Variants in DLGAP4 observed in about 807,000 individuals in gnomAD.
The protein encoded by DLGAP4 is DLG associated protein 4, also known as disks large-associated protein 4.
A neutral mutation model predicts 86.9 loss-of-function variants in DLGAP4; 18 were observed. The observed-to-expected ratio is 0.21, with a 90% CI of 0.14 to 0.31. The LOEUF is 0.31. DLGAP4 is among the 10% of genes least tolerant of loss of function. DLGAP4 has a pLI of 1.00. For missense variants in DLGAP4, 1,085 were observed against 1,362.6 expected (o/e 0.80, Z 3.21); for synonymous variants, 548 against 574.3 (o/e 0.95, Z 0.65).
At chr20:36,436,456 G>A (rs2033281395) in intron 4 of DLGAP4, 106 bp downstream of exon 4, 1 of 1,422,942 alleles carries the variant, frequency 7.0e-7, no homozygotes, top group African/African-American at 1.4e-5. Context: ...CCCCGCCTGC[G>A]TGGGAGCCAC....
chr20:36,332,352 C>T (rs1273246773), intron 1 of DLGAP4, among the ~76,000 whole-genome samples: 1 of 151,970 alleles, frequency 6.6e-6, no homozygotes, highest in Non-Finnish European at 1.5e-5. Context: ...TTCCCTGTCC[C>T]GCCCGTTCCG....
Position 36,446,758 on chromosome 20 carries a change from C to T in DLGAP4, c.1469C>T (p.Ala490Val), listed in dbSNP as rs769056622. 16 of 1,612,812 alleles carry T rather than the reference C, an allele frequency of 9.9e-6. No individual in the cohort carries two copies. The highest frequency in any genetic ancestry group is 1.6e-4 in the Middle Eastern group (1 of 6,062). ...GCCTGCGAGTCAGCCTGCAGTGAAGCGGAGTCCACAGCGGCAGAGACGCTT... is the reference window on the plus strand; with the variant it reads ...GCCTGCGAGTCAGCCTGCAGTGAAGTGGAGTCCACAGCGGCAGAGACGCTT... Reference protein sequence around the residue: ...EAACESACSEAESTAAETLDL... With the variant: ...EAACESACSEVESTAAETLDL... The change falls in exon 7 of 13, where the codon GCG becomes GTG. Residue 490 changes from alanine to valine, a missense_variant. Coordinates refer to ENST00000339266, the MANE Select transcript of DLGAP4 (RefSeq NM_001365621.2).
intron 7 of DLGAP4, chr20:36,461,488 G>T (rs2034043474): frequency 1.0e-6 from 1 of 981,954 alleles, no homozygotes; most frequent in South Asian, 4.5e-5. Flanking sequence ...GGAGCCTCGG[G>T]CCGGGCTGCG....
chr20:36,425,629 C>T (rs1275784903), intron 2 of DLGAP4, among the ~76,000 whole-genome samples: 1 of 152,064 alleles, frequency 6.6e-6, no homozygotes, highest in South Asian at 2.1e-4. Flanking sequence ...CAAGAACAGC[C>T]TGGCCAAATG....
chr20:36,314,960 G>A (rs1332912191), intron 1 of DLGAP4, among the ~76,000 whole-genome samples: 2 of 110,542 alleles, frequency 1.8e-5, no homozygotes, highest in Non-Finnish European at 3.9e-5. Flanking sequence ...GTGTGTTTGT[G>A]GTGTGTTATC....
chr20:36,322,329 G>A (rs541552339), intron 1 of DLGAP4, among the ~76,000 whole-genome samples: 2 of 152,338 alleles, frequency 1.3e-5, no homozygotes, highest in East Asian at 3.9e-4. Context: ...ACTAGAGGAT[G>A]GCGGGGGCCA....
intron 7 of DLGAP4, among the ~76,000 whole-genome samples, chr20:36,463,409 T>C (rs893301148): frequency 2.6e-5 from 4 of 151,780 alleles, no homozygotes; most frequent in African/African-American, 9.7e-5. Flanking sequence ...TGCCCAAGGG[T>C]AAACAGCTGG....
Position 36,500,439 on chromosome 20 carries a change from C to G in DLGAP4, c.2340C>G (p.Pro780=). 1.9e-6 allele frequency: 3 copies of G among 1,575,400 alleles called. No homozygotes were observed. The South Asian group carries it at 3.5e-5, about 18-fold the overall frequency. Residue 780 remains proline, a synonymous_variant, in exon 10 of 13, where the codon CCC becomes CCG. Transcript: ENST00000339266. This position sits in a 1 kb window ranked among gnomAD's most constrained non-coding sequence, Gnocchi z 4.6. ...TAGAGGCGTCCTCGCTGCCCCCACC[C>G]GACCCCTGGCTCGAGACCTCCTCCA... ...PALEASSLPP[P]DPWLETSSSS...
At position 36,431,782 on chromosome 20, in the gene DLGAP4, C is replaced by G. The variant is rs749950105; in HGVS notation, c.65C>G (p.Pro22Arg). The change falls in exon 3 of 13, where the codon CCC (proline) becomes CGC (arginine). Residue 22 changes from proline to arginine, a missense_variant. This residue lies in a region of DLGAP4 where 1,082 missense variants were observed against 1,344.1 expected (regional missense o/e 0.81). Transcript: ENST00000339266. The surrounding 1 kb of genome is among the most constrained non-coding windows in gnomAD (Gnocchi z 5.1). Reference sequence around the variant, plus strand: ...GACAGCCTAGACCCACCCCACGAGCCCCTGTTTGCAGGGACCGACCGCAAC... The same window carrying G: ...GACAGCCTAGACCCACCCCACGAGCGCCTGTTTGCAGGGACCGACCGCAAC... Reference protein sequence around the residue: ...LSDSLDPPHEPLFAGTDRNPY... With the variant: ...LSDSLDPPHERLFAGTDRNPY... 1.9e-6 allele frequency: 3 copies of G among 1,613,358 alleles called. No individual in the cohort carries two copies. Among genetic ancestry groups the G allele is most frequent in the Non-Finnish European group, 2.5e-6 (3 of 1,179,738 alleles).
rs772132079 is a variant in DLGAP4, at chr20:36,467,017, C to CT, written c.1648+20080_1648+20081insT. Among the ~76,000 whole-genome samples, 218 of 50,290 alleles carry CT rather than the reference C, an allele frequency of 4.3e-3. 2 individuals carry two copies. The highest frequency in any genetic ancestry group is 0.027 in the African/African-American group (205 of 7,676). 33.0% of individuals were successfully genotyped at this position (50,290 alleles called of 152,430 possible). A position where few individuals can be genotyped will look rare whatever the true frequency, so the allele number is the denominator to read the frequency against. ...TCTCTGTCTCTCTCTCTCTCTCTCT[C>CT]CTCTCTCTCTCTCTCTCTCTCTCTC... On this transcript the variant is annotated intron_variant, in intron 7 of 12. Transcript: ENST00000339266.
intron 7 of DLGAP4, 29 bp downstream of exon 7, chr20:36,446,966 T>G: frequency 1.9e-6 from 3 of 1,575,148 alleles, no homozygotes; most frequent in Non-Finnish European, 2.6e-6. Context: ...GAAGGGGTTT[T>G]TTTTCTTTTC....
intron 1 of DLGAP4, among the ~76,000 whole-genome samples, chr20:36,329,195 T>A (rs1213425766): frequency 6.6e-6 from 1 of 152,048 alleles, no homozygotes; most frequent in Non-Finnish European, 1.5e-5. Context: ...CATGCGTGAG[T>A]CACCATACCT....
At chr20:36,496,496 G>A (rs529918863) in intron 7 of DLGAP4, among the ~76,000 whole-genome samples, 54 of 152,316 alleles carry the variant, frequency 3.5e-4, no homozygotes, top group African/African-American at 1.2e-3. Context: ...ACTTTGTCTC[G>A]AATGAGGGTG....
chr20:36,341,288 C>T (rs1407600547), intron 1 of DLGAP4, among the ~76,000 whole-genome samples: 2 of 152,204 alleles, frequency 1.3e-5, no homozygotes, highest in African/African-American at 4.8e-5. Context: ...TTTGTCTTGA[C>T]CCCTGGTTTT....
chr20:36,517,821 T>C (rs1293320691), intron 10 of DLGAP4, among the ~76,000 whole-genome samples: 1 of 152,208 alleles, frequency 6.6e-6, no homozygotes, highest in African/African-American at 2.4e-5. Flanking sequence ...TCATGAGACA[T>C]TGGCTTGTAA....
chr20:36,510,060 C>T (rs2147808793), intron 10 of DLGAP4, among the ~76,000 whole-genome samples: 1 of 151,966 alleles, frequency 6.6e-6, no homozygotes, highest in East Asian at 1.9e-4. Flanking sequence ...TGGTCTCGAA[C>T]TCCTGACCTC....
chr20:36,462,726 AG>A, intron 7 of DLGAP4: 3 of 1,283,336 alleles, frequency 2.3e-6, no homozygotes, highest in Admixed American at 2.9e-5. Context: ...CCTCCCACAA[AG>A]GGGGAAAGGA....
Position 36,499,629 on chromosome 20 carries a change from C to T in DLGAP4, c.2052C>T (p.Pro684=), listed in dbSNP as rs776373303. Residue 684 remains proline, a synonymous_variant, in exon 9 of 13, where the codon CCC becomes CCT. Coordinates refer to ENST00000339266, the MANE Select transcript of DLGAP4 (RefSeq NM_001365621.2). Reference sequence around the variant, plus strand: ...CAGTGCCAAAAGAGGAGCCCAGTCCCGCTACCAAATTCCAGTCCATCGGGG... The same window carrying T: ...CAGTGCCAAAAGAGGAGCCCAGTCCTGCTACCAAATTCCAGTCCATCGGGG... ...IQPVPKEEPS[P]ATKFQSIGVQ... 1.8e-5 allele frequency: 29 copies of T among 1,613,936 alleles called. No individual in the cohort carries two copies. The highest frequency in any genetic ancestry group is 3.3e-5 in the South Asian group (3 of 91,014).
intron 10 of DLGAP4, 86 bp from the exon 11 acceptor site, chr20:36,524,164 G>T: frequency 1.0e-6 from 1 of 1,003,808 alleles, no homozygotes; most frequent in Admixed American, 1.8e-5. Flanking sequence ...CCCTAAGGGA[G>T]TGTGGGAGGA....
Sources: gnomAD v4.1 joint callset for allele counts (sites outside exome capture counted in the v4.1 genomes callset) on GRCh38, gnomAD v4.1.1 for gene constraint, gnomAD v4.1.1 regional missense constraint, Gnocchi (gnomAD v3.1) non-coding constraint, MANE v1.5 for transcripts, NCBI Gene and HGNC (gene_info 2026-07-23, HGNC 2026-07-21) for gene names.